The following TPRG1 variants were observed in gnomAD, a reference collection of about 807,000 sequenced individuals.
The protein encoded by TPRG1 is tumor protein p63-regulated gene 1 protein.
A neutral mutation model predicts 29.3 loss-of-function variants in TPRG1; 29 were observed. That is an observed-to-expected ratio of 0.99 (90% CI 0.74 to 1.35). The LOEUF is 1.35. Ranked by LOEUF, TPRG1 falls within the 40% of genes most tolerant of loss-of-function variation. TPRG1 has a pLI of 0.00. For missense variants in TPRG1, 327 were observed against 335.0 expected, an observed-to-expected ratio of 0.98 and a Z score of 0.19; for synonymous variants, 130 against 116.8, an observed-to-expected ratio of 1.11 and a Z score of -0.73.
intron 1 of TPRG1, among the ~76,000 whole-genome samples, chr3:189,176,868 G>A (rs1423311546): frequency 6.6e-6 from 1 of 152,208 alleles, no homozygotes; most frequent in East Asian, 1.9e-4. Context: ...TGATAATGCA[G>A]GGCCCTGTAA....
intron 4 of TPRG1, among the ~76,000 whole-genome samples, chr3:189,282,068 A>G (rs979727607): frequency 6.6e-6 from 1 of 151,952 alleles, no homozygotes. Context: ...TTTAGTAGAG[A>G]CAAGGTTTCA....
intron 4 of TPRG1, among the ~76,000 whole-genome samples, chr3:189,270,341 G>A (rs755519856): frequency 3.3e-5 from 5 of 152,162 alleles, no homozygotes; most frequent in Non-Finnish European, 5.9e-5. Context: ...ATGAGGAAAA[G>A]GCTTTCAAAT....
At chr3:189,217,885 G>A in intron 3 of TPRG1, 1 of 985,272 alleles carries the variant, frequency 1.0e-6, no homozygotes, top group Non-Finnish European at 1.2e-6. Flanking sequence ...AGCACACCAA[G>A]GCAGGGAAAG....
chr3:189,096,187 C>G (rs552580158), upstream of TPRG1, among the ~76,000 whole-genome samples: 8 of 152,240 alleles, frequency 5.3e-5, no homozygotes, highest in Non-Finnish European at 1.2e-4. Flanking sequence ...AATGCTTGCT[C>G]TCCACTCAGT....
intron 3 of TPRG1, among the ~76,000 whole-genome samples, chr3:189,011,794 C>T (rs1167486794): frequency 6.6e-6 from 1 of 152,168 alleles, no homozygotes; most frequent in East Asian, 1.9e-4. Flanking sequence ...TGTTTGTGTC[C>T]TCTCTGATTT....
chr3:189,061,136 A>G (rs1716077563), intron 4 of TPRG1, among the ~76,000 whole-genome samples: 2 of 152,226 alleles, frequency 1.3e-5, no homozygotes, highest in South Asian at 4.1e-4. Flanking sequence ...CCCAGAAATA[A>G]GGCCACACAT....
intron 4 of TPRG1, among the ~76,000 whole-genome samples, chr3:189,046,666 G>T (rs1368244583): frequency 6.6e-6 from 1 of 152,130 alleles, no homozygotes; most frequent in Admixed American, 6.6e-5. Context: ...TAAGATTAAA[G>T]ATATTTGCAT....
chr3:189,180,139 A>C (rs1730020563), intron 1 of TPRG1, among the ~76,000 whole-genome samples: 2 of 152,176 alleles, frequency 1.3e-5, no homozygotes, highest in Admixed American at 6.5e-5. Flanking sequence ...ACAGCATGGG[A>C]AAGAGTTGCC....
At chr3:189,277,330 A>G (rs1228643623) in intron 4 of TPRG1, among the ~76,000 whole-genome samples, 2 of 152,182 alleles carry the variant, frequency 1.3e-5, no homozygotes, top group Admixed American at 6.5e-5. Flanking sequence ...TCATACCATA[A>G]GATCCCAGGG....
intron 4 of TPRG1, among the ~76,000 whole-genome samples, chr3:189,046,452 A>G (rs951505384): frequency 1.2e-4 from 19 of 152,334 alleles, no homozygotes; most frequent in African/African-American, 4.3e-4. Flanking sequence ...TTTGGGCAGT[A>G]TCTAGGAAAA....
chr3:189,218,955 A>G (rs1736513299), intron 3 of TPRG1, among the ~76,000 whole-genome samples: 1 of 152,182 alleles, frequency 6.6e-6, no homozygotes. Context: ...ATCATGTTAA[A>G]GAGCTTAGAT....
chr3:189,212,601 C>T (rs1241705562), intron 2 of TPRG1, among the ~76,000 whole-genome samples: 2 of 151,900 alleles, frequency 1.3e-5, no homozygotes, highest in Non-Finnish European at 2.9e-5. Flanking sequence ...AGAGGACTAA[C>T]CACAATGAGA....
chr3:189,193,712 T>C (rs919169921), intron 1 of TPRG1, among the ~76,000 whole-genome samples: 4 of 151,418 alleles, frequency 2.6e-5, no homozygotes, highest in African/African-American at 4.9e-5. Context: ...CTGTCTCTTT[T>C]ATTAATCAAC....
At chr3:189,287,914 C>G (rs1718340232) in intron 4 of TPRG1, among the ~76,000 whole-genome samples, 1 of 151,910 alleles carries the variant, frequency 6.6e-6, no homozygotes, top group African/African-American at 2.4e-5. Flanking sequence ...GAATTGAGTT[C>G]ATAATGATGA....
chr3:189,146,372 T>G (rs1008895668), intron 3 of TPRG1, among the ~76,000 whole-genome samples: 1 of 152,120 alleles, frequency 6.6e-6, no homozygotes, highest in Non-Finnish European at 1.5e-5. Context: ...ACTTAGACAA[T>G]TACTAGGAAT....
chr3:189,310,426 G>A lies in TPRG1; in HGVS notation c.520G>A (p.Glu174Lys). The A allele has an allele frequency of 1.2e-6, 2 of 1,611,778 alleles. No homozygotes were observed. Among genetic ancestry groups the A allele is most frequent in the Non-Finnish European group, 1.7e-6 (2 of 1,178,628 alleles). The change falls in exon 5 of 6, where the codon GAG (glutamate) becomes AAG (lysine). Residue 174 changes from glutamate to lysine, a missense_variant. Transcript: ENST00000345063. ...EGLRIYWGSP[E>K]EQSLLSRWNP... ...CCTTAGGATCTACTGGGGGAGTCCGGAGGAGCAGTCTCTTCTGTCCCGCTG... is the reference window on the plus strand; with the variant it reads ...CCTTAGGATCTACTGGGGGAGTCCGAAGGAGCAGTCTCTTCTGTCCCGCTG...
At chr3:189,017,327 C>A (rs1712996805) in intron 3 of TPRG1, among the ~76,000 whole-genome samples, 1 of 151,988 alleles carries the variant, frequency 6.6e-6, no homozygotes, top group Non-Finnish European at 1.5e-5. Flanking sequence ...GCACTGCCCC[C>A]ACTAACTCGT....
chr3:189,050,739 C>A (rs1191051751), intron 4 of TPRG1, among the ~76,000 whole-genome samples: 1 of 152,166 alleles, frequency 6.6e-6, no homozygotes, highest in Non-Finnish European at 1.5e-5. Flanking sequence ...CCACCATTAT[C>A]AAGTAGGTTA....
At chr3:189,067,703 C>T (rs181809990) in intron 4 of TPRG1, among the ~76,000 whole-genome samples, 1 of 152,056 alleles carries the variant, frequency 6.6e-6, no homozygotes, top group African/African-American at 2.4e-5. Context: ...AATGTAAGAC[C>T]TCAAGCTATG....
Sources: allele counts gnomAD v4.1 joint callset (sites outside exome capture counted in the v4.1 genomes callset), GRCh38; gene constraint gnomAD v4.1.1; transcripts MANE v1.5; gene names NCBI Gene and HGNC (gene_info 2026-07-23, HGNC 2026-07-21).